The following PLEKHG4B variants were observed in gnomAD, a reference collection of about 807,000 sequenced individuals.
PLEKHG4B encodes pleckstrin homology and RhoGEF domain containing G4B.
PLEKHG4B carries 111 observed loss-of-function variants against 121.3 expected under a neutral mutation model. That is an observed-to-expected ratio of 0.92 (90% CI 0.78 to 1.07). PLEKHG4B has a LOEUF of 1.07. PLEKHG4B is among the 50% of genes least tolerant of loss of function. The probability of loss-of-function intolerance (pLI) is 0.00; values close to 1 mark genes in which losing one functional copy is unlikely to be tolerated. For synonymous variants in PLEKHG4B, 738 were observed against 725.0 expected (o/e 1.02, Z -0.29); for missense variants, 1,831 against 1,757.8 (o/e 1.04, Z -0.74).
At chr5:173,527 A>G (rs1445533833) in intron 17 of PLEKHG4B, among the ~76,000 whole-genome samples, 1 of 152,142 alleles carries the variant, frequency 6.6e-6, no homozygotes, top group African/African-American at 2.4e-5. Context: ...GCAGCCTCAC[A>G]GACTCATGCA....
At chr5:169,871 C>A (rs1736486336) in intron 14 of PLEKHG4B, among the ~76,000 whole-genome samples, 1 of 152,236 alleles carries the variant, frequency 6.6e-6, no homozygotes, top group South Asian at 2.1e-4. Context: ...ACCCATTCTG[C>A]CAGCAGCCCT....
chr5:144,871 G>T lies in PLEKHG4B; in HGVS notation c.1856G>T (p.Arg619Leu). ...GGGCTGGTTGTCCTGGTGGATGCAC[G>T]CAGGAGTCCAGCTGCCCCTGCCGTC... ...DLGLVVLVDA[R>L]RSPAAPAVSQ... The change falls in exon 6 of 20, where the codon CGC (arginine) becomes CTC (leucine). Residue 619 changes from arginine to leucine, a missense_variant. Transcript: ENST00000637938. 2 of 1,613,384 alleles carry T rather than the reference G, an allele frequency of 1.2e-6. No homozygotes were observed. The highest frequency in any genetic ancestry group is 1.7e-6 in the Non-Finnish European group (2 of 1,179,980).
chr5:166,173 C>T (rs1271726324), intron 13 of PLEKHG4B, among the ~76,000 whole-genome samples: 1 of 11,064 alleles, frequency 9.0e-5, no homozygotes, highest in East Asian at 1.4e-3. Flanking sequence ...AATCCTCTGA[C>T]GGGGCGGAGC....
At position 183,991 on chromosome 5, in the gene PLEKHG4B, C is replaced by CGATCGATAGATAGATAGATAGATAGATA. The variant is rs1292159443; in HGVS notation, c.*1671_*1672insCGATAGATAGATAGATAGATAGATAGAT. ...CAGACAGATAGATAGATAGATAGAT[C>CGATCGATAGATAGATAGATAGATAGATA]GATAGATAGATAGATAGATAGATAG... On this transcript the variant is annotated 3_prime_UTR_variant, in exon 20 of 20. Transcript: ENST00000637938. 2.9e-5 allele frequency: 3 copies of CGATCGATAGATAGATAGATAGATAGATA among 104,614 alleles called. No individual in the cohort carries two copies. The highest frequency in any genetic ancestry group is 4.8e-5 in the Non-Finnish European group (2 of 41,240). 6.5% of individuals were successfully genotyped at this position (104,614 alleles called of 1,614,324 possible). A position where few individuals can be genotyped will look rare whatever the true frequency, so the allele number is the denominator to read the frequency against.
At chr5:181,451 G>T (rs113697324) in intron 18 of PLEKHG4B, 63 bp from the exon 19 acceptor site, 1 of 1,542,338 alleles carries the variant, frequency 6.5e-7, no homozygotes, top group East Asian at 2.2e-5. Flanking sequence ...GGTACCGGGC[G>T]TCTTTGGGGT....
At position 184,630 on chromosome 5, in the gene PLEKHG4B, T is replaced by C. The variant is rs1215505532; in HGVS notation, c.*2307T>C. 1 of 152,234 alleles carries C rather than the reference T, an allele frequency of 6.6e-6. No individual in the cohort carries two copies. Among genetic ancestry groups the C allele is most frequent in the Non-Finnish European group, 1.5e-5 (1 of 68,034 alleles). 9.4% of individuals were successfully genotyped at this position (152,234 alleles called of 1,614,324 possible). On this transcript the variant is annotated 3_prime_UTR_variant, in exon 20 of 20. Coordinates refer to ENST00000637938, the MANE Select transcript of PLEKHG4B (RefSeq NM_052909.5). Reference sequence around the variant, plus strand: ...GTGCACCATCCAGGATTTTCCTCGTTATTTAAATCCCTTTAGCCCATCTCC... The same window carrying C: ...GTGCACCATCCAGGATTTTCCTCGTCATTTAAATCCCTTTAGCCCATCTCC...
Position 140,462 on chromosome 5 carries a change from C to A in PLEKHG4B, c.1223C>A (p.Pro408His). The A allele has an allele frequency of 1.3e-6, 2 of 1,587,802 alleles. No individual in the cohort carries two copies. The highest frequency in any genetic ancestry group is 2.3e-5 in the East Asian group (1 of 43,442). ...QEETSGPRGD[P>H]QQTPSLEKER... ...GAAACCTCTGGCCCCCGGGGAGACC[C>A]CCAACAGACCCCAAGTCTAGAGAAG... Residue 408 changes from proline to histidine, a missense_variant, in exon 3 of 20, where the codon CCC becomes CAC. By Grantham distance (77) the Pro-to-His change is moderately conservative. Transcript: ENST00000637938.
intron 13 of PLEKHG4B, among the ~76,000 whole-genome samples, chr5:167,148 G>A (rs2126448928): frequency 6.6e-6 from 1 of 152,316 alleles, no homozygotes; most frequent in East Asian, 1.9e-4. Context: ...TCCTCATTCT[G>A]ATTTTGTTTC....
At chr5:117,083 A>G (rs185353517) in intron 2 of PLEKHG4B, among the ~76,000 whole-genome samples, 40 of 152,268 alleles carry the variant, frequency 2.6e-4, no homozygotes, top group African/African-American at 8.7e-4. Context: ...AACCTACAAA[A>G]TTGCTTGTCT....
chr5:111,014 C>T (rs144420363), intron 1 of PLEKHG4B, among the ~76,000 whole-genome samples: 2 of 152,356 alleles, frequency 1.3e-5, no homozygotes, highest in East Asian at 1.9e-4. Context: ...TTCCTCTGTC[C>T]GTACACTGCA....
At position 159,836 on chromosome 5, in the gene PLEKHG4B, C is replaced by G. The variant is rs759323965; in HGVS notation, c.2488-1947C>G. 6.6e-6 allele frequency among the ~76,000 whole-genome samples: 1 copy of G among 152,184 alleles called. No individual in the cohort carries two copies. The highest frequency in any genetic ancestry group is 1.5e-5 in the Non-Finnish European group (1 of 68,036). On this transcript the variant is annotated intron_variant, in intron 11 of 19. Transcript: ENST00000637938. This position sits in a 1 kb window ranked among gnomAD's most constrained non-coding sequence, Gnocchi z 5.5. ...CCCAGCTCCTTCCCTCCGACACTCC[C>G]TCACCCTGTCCTGTGGAGTCTCGGG...
intron 1 of PLEKHG4B, among the ~76,000 whole-genome samples, chr5:99,350 A>T (rs1182225889): frequency 1.3e-5 from 2 of 151,682 alleles, no homozygotes; most frequent in Admixed American, 6.6e-5. Context: ...GACGTCTTAC[A>T]TGTTAAGCCT....
At chr5:150,535 A>G (rs949420328) in intron 6 of PLEKHG4B, among the ~76,000 whole-genome samples, 2 of 152,352 alleles carry the variant, frequency 1.3e-5, no homozygotes, top group East Asian at 1.9e-4. Flanking sequence ...GAAAATGCAC[A>G]TCTGATAAAG....
At chr5:172,673 C>G (rs1343995025) in intron 16 of PLEKHG4B, among the ~76,000 whole-genome samples, 5 of 152,162 alleles carry the variant, frequency 3.3e-5, no homozygotes, top group African/African-American at 1.2e-4. Flanking sequence ...TTGGGGGGAA[C>G]TGGGTGAGTT....
At chr5:107,447 G>A (rs1030206251) in intron 1 of PLEKHG4B, among the ~76,000 whole-genome samples, 1 of 152,162 alleles carries the variant, frequency 6.6e-6, no homozygotes, top group African/African-American at 2.4e-5. Flanking sequence ...GGCCTTCCTA[G>A]GAGGAAGAAG....
chr5:142,926 T>A (rs11954199), intron 3 of PLEKHG4B, 121 bp from the exon 4 acceptor site: 120,517 of 960,530 alleles, frequency 0.13, 10,239 homozygotes, highest in African/African-American at 0.37. Flanking sequence ...ACAAGTTTTC[T>A]CGGAACCCCC....
chr5:179,968 A>G (rs565282404), intron 18 of PLEKHG4B, among the ~76,000 whole-genome samples: 6 of 152,114 alleles, frequency 3.9e-5, no homozygotes, highest in Non-Finnish European at 8.8e-5. Flanking sequence ...GAGACTCTCT[A>G]TCCTGTGATC....
At chr5:124,191 A>G (rs1202993178) in intron 2 of PLEKHG4B, among the ~76,000 whole-genome samples, 4 of 152,102 alleles carry the variant, frequency 2.6e-5, no homozygotes, top group African/African-American at 9.7e-5. Flanking sequence ...TCCCTTTGTG[A>G]TCGGCGAAGA....
intron 1 of PLEKHG4B, among the ~76,000 whole-genome samples, chr5:102,202 A>AG (rs1209052579): frequency 6.6e-6 from 1 of 152,064 alleles, no homozygotes; most frequent in East Asian, 1.9e-4. Flanking sequence ...AAGAAGTAGT[A>AG]GGGAAAGACT....
Sources: allele counts gnomAD v4.1 joint callset (sites outside exome capture counted in the v4.1 genomes callset), GRCh38; gene constraint gnomAD v4.1.1; non-coding constraint Gnocchi (gnomAD v3.1); transcripts MANE v1.5; gene names NCBI Gene and HGNC (gene_info 2026-07-23, HGNC 2026-07-21).